SNX29: variants seen among roughly 807,000 people sequenced by gnomAD.
SNX29 encodes sorting nexin-29.
A neutral mutation model predicts 102.1 loss-of-function variants in SNX29; 78 were observed. The ratio of observed to expected loss-of-function variants is 0.76; its 90% CI spans 0.64 to 0.92. The LOEUF (loss-of-function observed/expected upper bound fraction) is 0.92, where lower values mean the gene tolerates loss of function less well. SNX29 is among the 40% of genes least tolerant of loss of function. The probability of loss-of-function intolerance (pLI) is 0.00; values close to 1 mark genes in which losing one functional copy is unlikely to be tolerated. For synonymous variants in SNX29, 580 were observed against 414.5 expected (o/e 1.40, Z -4.85); for missense variants, 1,280 against 1,061.7 (o/e 1.21, Z -2.86).
chr16:12,064,205 C>T (rs1470572659), intron 9 of SNX29, among the ~76,000 whole-genome samples: 2 of 152,126 alleles, frequency 1.3e-5, no homozygotes, highest in Non-Finnish European at 2.9e-5. Flanking sequence ...AACCATCAGA[C>T]ATCCGGGTCA....
intron 13 of SNX29, among the ~76,000 whole-genome samples, chr16:12,151,652 C>T (rs1567253969): frequency 1.3e-5 from 2 of 152,182 alleles, no homozygotes; most frequent in Non-Finnish European, 2.9e-5. Context: ...GGTCCTCCAC[C>T]TCAGTCATTT....
chr16:11,996,679 A>G (rs1408259640), intron 1 of SNX29, among the ~76,000 whole-genome samples: 1 of 152,198 alleles, frequency 6.6e-6, no homozygotes, highest in Non-Finnish European at 1.5e-5. Context: ...TACTTGGAAA[A>G]AGGAAGAAAG....
At chr16:12,027,207 C>A in intron 3 of SNX29, 113 bp from the exon 4 acceptor site, 1 of 1,350,218 alleles carries the variant, frequency 7.4e-7, no homozygotes, top group South Asian at 1.3e-5. Flanking sequence ...TCCTGTCTGC[C>A]TTCACGCTGA....
chr16:12,536,464 G>A (rs951409686), intron 20 of SNX29, among the ~76,000 whole-genome samples: 9 of 152,140 alleles, frequency 5.9e-5, no homozygotes, highest in African/African-American at 2.2e-4. Flanking sequence ...TCAAGGCTAT[G>A]CCGTTTACTT....
intron 18 of SNX29, among the ~76,000 whole-genome samples, chr16:12,441,521 A>G (rs931261072): frequency 3.3e-5 from 5 of 152,160 alleles, no homozygotes; most frequent in Non-Finnish European, 4.4e-5. Context: ...AGCTATGAAC[A>G]TTCCTATACT....
chr16:12,502,423 C>T (rs1451767301), intron 19 of SNX29, among the ~76,000 whole-genome samples: 1 of 152,162 alleles, frequency 6.6e-6, no homozygotes, highest in Non-Finnish European at 1.5e-5. Context: ...GGGAATGCTT[C>T]ACAGCCGCCG....
chr16:12,062,094 C>G (rs889280001), intron 9 of SNX29, among the ~76,000 whole-genome samples: 7 of 152,076 alleles, frequency 4.6e-5, no homozygotes, highest in Non-Finnish European at 8.8e-5. Flanking sequence ...AAAGCTGTTT[C>G]TGGGCTGGGT....
chr16:12,133,025 C>T (rs1292176413), intron 13 of SNX29, among the ~76,000 whole-genome samples: 7 of 152,176 alleles, frequency 4.6e-5, no homozygotes, highest in African/African-American at 1.4e-4. Flanking sequence ...GTGGGGATGC[C>T]GTAGCTGCTG....
rs1329516464 is a variant in SNX29 at position 12,512,849 on chromosome 16, G to A, written c.2179-11853G>A. On this transcript the variant is annotated intron_variant, in intron 19 of 20. Coordinates refer to ENST00000566228, the MANE Select transcript of SNX29 (RefSeq NM_032167.5). ...CTCAATCAATGCCTGGGGAGTGAGG[G>A]CGAGATGGCCTCTGCAGGGCGAGGC... 4.6e-5 allele frequency among the ~76,000 whole-genome samples: 7 copies of A among 152,284 alleles called. No individual in the cohort carries two copies. In the South Asian group the frequency reaches 1.0e-3, roughly 23 times the overall value.
intron 16 of SNX29, among the ~76,000 whole-genome samples, chr16:12,393,780 CTG>C (rs2151478357): frequency 6.6e-6 from 1 of 152,382 alleles, no homozygotes; most frequent in South Asian, 2.1e-4. Flanking sequence ...TGAAGATTAA[CTG>C]TGAGACCATG....
At chr16:12,465,592 A>G (rs1332689013) in intron 18 of SNX29, among the ~76,000 whole-genome samples, 1 of 152,188 alleles carries the variant, frequency 6.6e-6, no homozygotes, top group Non-Finnish European at 1.5e-5. Flanking sequence ...TGACAGCAGC[A>G]AACGATTACT....
At chr16:12,081,171 C>A (rs1247965499) in intron 11 of SNX29, 1 of 152,066 alleles carries the variant, frequency 6.6e-6, no homozygotes, top group Non-Finnish European at 1.5e-5. Flanking sequence ...CCCTGGGTTC[C>A]GATTGATACC....
Position 12,084,905 on chromosome 16 carries a change from T to TA in SNX29, c.1402+5996dup, listed in dbSNP as rs1262608764. On this transcript the variant is annotated intron_variant, in intron 11 of 20. Coordinates refer to ENST00000566228, the MANE Select transcript of SNX29 (RefSeq NM_032167.5). ...CCAACATAGTGAGACTCTGTCTCTATAAAAAATAAAAAAAATTACCTGGAT... is the reference window on the plus strand; with the variant it reads ...CCAACATAGTGAGACTCTGTCTCTATAAAAAAATAAAAAAAATTACCTGGAT... Among the ~76,000 whole-genome samples the TA allele has an allele frequency of 6.6e-5, 10 of 151,908 alleles. No homozygotes were observed. The East Asian group carries it at 1.9e-3, about 29-fold the overall frequency.
At chr16:12,077,386 GGTGTGTGTGTGTGTGTGT>G (rs60621681) in intron 10 of SNX29, among the ~76,000 whole-genome samples, 7 of 142,786 alleles carry the variant, frequency 4.9e-5, no homozygotes, top group East Asian at 2.0e-4. Flanking sequence ...TCCTAGTCAT[GGTGTGTGTGTGTGTGTGT>G]GTGTGTGTGT....
intron 14 of SNX29, among the ~76,000 whole-genome samples, chr16:12,234,853 G>A (rs1223431184): frequency 6.6e-6 from 1 of 152,134 alleles, no homozygotes; most frequent in Non-Finnish European, 1.5e-5. Context: ...CCCGCTGAAT[G>A]GATGGATGAT....
At chr16:12,567,350 G>A (rs188028331) in intron 20 of SNX29, among the ~76,000 whole-genome samples, 1 of 152,132 alleles carries the variant, frequency 6.6e-6, no homozygotes, top group East Asian at 1.9e-4. Flanking sequence ...GATCCTGTTA[G>A]GTTTTTGCCT....
intron 18 of SNX29, among the ~76,000 whole-genome samples, chr16:12,412,453 T>C (rs77309432): frequency 0.035 from 5,399 of 152,310 alleles, 158 homozygotes; most frequent in South Asian, 0.064. Flanking sequence ...CATCACTCAT[T>C]GTCACAGCTG....
chr16:12,536,625 C>A (rs1025058841), intron 20 of SNX29, among the ~76,000 whole-genome samples: 1 of 152,124 alleles, frequency 6.6e-6, no homozygotes, highest in Non-Finnish European at 1.5e-5. Context: ...GTGGCTGCAG[C>A]AGGGGTGTAT....
At chr16:12,504,486 A>G (rs891829578) in intron 19 of SNX29, among the ~76,000 whole-genome samples, 1 of 152,192 alleles carries the variant, frequency 6.6e-6, no homozygotes, top group African/African-American at 2.4e-5. Flanking sequence ...TGTTGTATAC[A>G]TGGAATCATG....
Sources: allele counts gnomAD v4.1 joint callset (sites outside exome capture counted in the v4.1 genomes callset), GRCh38; gene constraint gnomAD v4.1.1; transcripts MANE v1.5; gene names NCBI Gene and HGNC (gene_info 2026-07-23, HGNC 2026-07-21).